Variants in PJA2 observed in about 807,000 individuals in gnomAD.
The protein encoded by PJA2 is praja ring finger ubiquitin ligase 2.
In PJA2, 25 loss-of-function variants were observed where a neutral mutation model predicts 69.3. The ratio of observed to expected loss-of-function variants is 0.36; its 90% CI spans 0.26 to 0.50. PJA2 has a LOEUF of 0.50. Among genes scored for constraint, PJA2 ranks in the 20% least tolerant of loss-of-function variants. The pLI, the probability that PJA2 is intolerant of heterozygous loss-of-function variation, is 0.96. For synonymous variants in PJA2, 308 were observed against 277.8 expected (o/e 1.11, Z -1.08); for missense variants, 809 against 830.2 (o/e 0.97, Z 0.31).
At chr5:109,409,554 C>A (rs76282274) in intron 1 of PJA2, among the ~76,000 whole-genome samples, 4,631 of 152,196 alleles carry the variant, frequency 0.03, 91 homozygotes, top group Middle Eastern at 0.048. Flanking sequence ...GCAGCGAAGA[C>A]CCCGATACCA....
chr5:109,396,911 A>G (rs923637832), intron 1 of PJA2, among the ~76,000 whole-genome samples: 1 of 152,192 alleles, frequency 6.6e-6, no homozygotes, highest in Non-Finnish European at 1.5e-5. Context: ...ATTGAGACAT[A>G]TAAGAAAATT....
intron 1 of PJA2, among the ~76,000 whole-genome samples, chr5:109,404,451 G>C (rs13187721): frequency 0.43 from 65,910 of 151,818 alleles, 17,579 homozygotes; most frequent in Non-Finnish European, 0.59. Flanking sequence ...CTGGGAGACC[G>C]AGGTTGCAGC....
intron 5 of PJA2, among the ~76,000 whole-genome samples, chr5:109,368,034 T>G (rs1762614957): frequency 6.6e-6 from 1 of 152,168 alleles, no homozygotes; most frequent in South Asian, 2.1e-4. Context: ...CCATAAATAT[T>G]TATTATCTAG....
At chr5:109,356,622 C>T (rs977247775) in intron 6 of PJA2, among the ~76,000 whole-genome samples, 1 of 152,078 alleles carries the variant, frequency 6.6e-6, no homozygotes, top group South Asian at 2.1e-4. Flanking sequence ...GTTTCCAATC[C>T]GCATGTAGGT....
intron 1 of PJA2, among the ~76,000 whole-genome samples, chr5:109,401,688 C>T (rs1250115713): frequency 6.6e-6 from 1 of 152,088 alleles, no homozygotes; most frequent in Admixed American, 6.5e-5. Flanking sequence ...ATTTGTGAAA[C>T]AATCTTTGGA....
chr5:109,366,772 C>T (rs1328451592), intron 5 of PJA2, among the ~76,000 whole-genome samples: 1 of 152,144 alleles, frequency 6.6e-6, no homozygotes, highest in Non-Finnish European at 1.5e-5. Context: ...TAACTGCTAA[C>T]ACAAATGACA....
chr5:109,353,731 TCTAGATATCTAGATTAGATATCTATG>T (rs1366166345), intron 7 of PJA2, among the ~76,000 whole-genome samples: 1,455 of 97,638 alleles, frequency 0.015, 10 homozygotes, highest in Non-Finnish European at 0.018. Flanking sequence ...GATACCTATA[TCTAGATATCTAGATTAGATATCTATG>T]ATATCTAGAG....
chr5:109,386,930 G>A (rs1747172684), intron 1 of PJA2, among the ~76,000 whole-genome samples: 2 of 152,104 alleles, frequency 1.3e-5, no homozygotes, highest in Admixed American at 1.3e-4. Flanking sequence ...TTTGGGGCAG[G>A]CCATGTTTAA....
chr5:109,349,242 C>T (rs1489083313), intron 7 of PJA2, among the ~76,000 whole-genome samples: 1 of 152,176 alleles, frequency 6.6e-6, no homozygotes, highest in East Asian at 1.9e-4. Context: ...TCCACAAATC[C>T]ATATTCACTA....
In PJA2 at chr5:109,337,091, G is replaced by A; in HGVS notation, c.*140C>T. ...TGCAAACCTAAATTTAGTTTAGAAA[G>A]GTTAATATTCTTTCTAAACTATGGC... On this transcript the variant is annotated 3_prime_UTR_variant, in exon 10 of 10. Transcript: ENST00000361189. The A allele has an allele frequency of 1.3e-6, 1 of 784,738 alleles. No individual in the cohort carries two copies. Among genetic ancestry groups the A allele is most frequent in the Non-Finnish European group, 1.7e-6 (1 of 573,264 alleles). The allele number at this position is 784,738 out of a possible 1,614,324, so 48.6% of individuals were successfully genotyped here.
chr5:109,378,845 A>G lies in PJA2; in HGVS notation c.642T>C (p.Gly214=). The stretch of plus-strand genomic sequence containing the variant: ...TAAATGAGGGAACTGGTGGTGAAAG[A>G]CCAGTGTATGCCTCTGCCTCTCTGT... ...LENREAEAYT[G]LSPPVPSFNC... The change falls in exon 4 of 10, where the codon GGT becomes GGC. Residue 214 remains glycine, a synonymous_variant. Transcript: ENST00000361189. The G allele has an allele frequency of 6.2e-7, 1 of 1,613,934 alleles. No homozygotes were observed. The highest frequency in any genetic ancestry group is 8.5e-7 in the Non-Finnish European group (1 of 1,180,016).
chr5:109,351,327 A>G (rs1433323273), intron 7 of PJA2, among the ~76,000 whole-genome samples: 1 of 152,180 alleles, frequency 6.6e-6, no homozygotes, highest in Non-Finnish European at 1.5e-5. Flanking sequence ...CATTCCGGTA[A>G]TAAATAAAAT....
chr5:109,355,562 A>T (rs548812062), intron 7 of PJA2, among the ~76,000 whole-genome samples: 12 of 152,224 alleles, frequency 7.9e-5, no homozygotes, highest in Non-Finnish European at 1.5e-4. Flanking sequence ...AGAGATTTGT[A>T]ATATATCCTT....
At chr5:109,348,438 G>T (rs1466737249) in intron 7 of PJA2, among the ~76,000 whole-genome samples, 1 of 152,116 alleles carries the variant, frequency 6.6e-6, no homozygotes, top group Non-Finnish European at 1.5e-5. Flanking sequence ...TTTTACCATT[G>T]ATTGGTTAAG....
intron 1 of PJA2, among the ~76,000 whole-genome samples, chr5:109,387,652 A>T (rs1475022139): frequency 6.6e-6 from 1 of 152,226 alleles, no homozygotes. Context: ...TCAAGGACGT[A>T]TTAATTTCTG....
intron 1 of PJA2, among the ~76,000 whole-genome samples, chr5:109,399,033 G>A (rs1350500204): frequency 2.0e-5 from 3 of 151,990 alleles, no homozygotes; most frequent in Non-Finnish European, 4.4e-5. Context: ...CCAACATGGT[G>A]AAACCCCATC....
Position 109,378,566 on chromosome 5 carries a change from T to C in PJA2, c.921A>G (p.Gly307=). Residue 307 remains glycine (G), a synonymous_variant, in exon 4 of 10, where the codon GGA becomes GGG. Transcript: ENST00000361189. ...GCCTCACTACCTGTTCAGGAGAACT[T>C]CCATGGTTCTTTTCCCTATCATTGG... is the stretch of plus-strand genomic sequence containing the variant. The part of the protein sequence containing the change: ...QNTNDREKNH[G]SSPEQVVRPK... 1 of 1,614,164 alleles carries C rather than the reference T, an allele frequency of 6.2e-7. No homozygotes were observed. Among genetic ancestry groups the C allele is most frequent in the Non-Finnish European group, 8.5e-7 (1 of 1,180,004 alleles).
At chr5:109,376,255 G>C (rs1454548292) in intron 4 of PJA2, among the ~76,000 whole-genome samples, 2 of 17,732 alleles carry the variant, frequency 1.1e-4, no homozygotes, top group African/African-American at 7.4e-4. Flanking sequence ...TATATTGTTT[G>C]TAAAAAAAAA....
chr5:109,337,962 A>G (rs1582575681), intron 9 of PJA2, among the ~76,000 whole-genome samples: 1 of 152,262 alleles, frequency 6.6e-6, no homozygotes, highest in East Asian at 1.9e-4. Context: ...TAAGAGTGTT[A>G]GGTGCCTTCT....
Sources: allele counts gnomAD v4.1 joint callset (sites outside exome capture counted in the v4.1 genomes callset), GRCh38; gene constraint gnomAD v4.1.1; transcripts MANE v1.5; gene names NCBI Gene and HGNC (gene_info 2026-07-23, HGNC 2026-07-21).